Variants in PLD5 observed in about 807,000 individuals in gnomAD.
PLD5 encodes the protein phospholipase D family member 5, also known as inactive phospholipase D5.
Under a neutral mutation model 61.1 loss-of-function variants are expected in PLD5, and 36 were observed. That is an observed-to-expected ratio of 0.59 (90% confidence interval 0.45 to 0.78). The LOEUF is 0.78. Ranked by LOEUF, PLD5 falls within the 30% of genes least tolerant of loss-of-function variation. PLD5 has a pLI of 0.00. For missense variants in PLD5, 515 were observed against 644.4 expected (o/e 0.80, Z 2.17); for synonymous variants, 243 against 242.8 (o/e 1.00, Z -0.01).
At position 242,122,022 on chromosome 1, in the gene PLD5, T is replaced by C. The variant is rs541047184; in HGVS notation, c.933+2446A>G. 7.4e-4 allele frequency among the ~76,000 whole-genome samples: 112 copies of C among 152,252 alleles called. 1 individual carries two copies. Among genetic ancestry groups the C allele is most frequent in the African/African-American group, 2.5e-3 (102 of 41,554 alleles). ...AGTTAGTGGGTGCAGCACACCAACA[T>C]GGCACATGTATACATAGGTAACAAA... On this transcript the variant is annotated intron_variant, in intron 6 of 9. Transcript: ENST00000536534.
At chr1:242,355,891 AAGTCTTACTGTTACAGATTTTT>A (rs1660726114) in intron 1 of PLD5, among the ~76,000 whole-genome samples, 1 of 151,922 alleles carries the variant, frequency 6.6e-6, no homozygotes, top group Non-Finnish European at 1.5e-5. Context: ...AGTTTTCTGA[AAGTCTTACTGTTACAGATTTTT>A]AGTCTTAACC....
At chr1:242,433,772 G>A (rs568983685) in intron 1 of PLD5, among the ~76,000 whole-genome samples, 15 of 152,066 alleles carry the variant, frequency 9.9e-5, no homozygotes, top group African/African-American at 2.9e-4. Context: ...ATGTGAGGAC[G>A]TTTCAGTAGT....
intron 1 of PLD5, among the ~76,000 whole-genome samples, chr1:242,510,228 C>CAA (rs1233854171): frequency 6.6e-6 from 1 of 151,290 alleles, no homozygotes; most frequent in Non-Finnish European, 1.5e-5. Context: ...CACACACACA[C>CAA]ACAAAAAAAG....
chr1:242,153,053 CTGGTG>C (rs200540581), intron 5 of PLD5, among the ~76,000 whole-genome samples: 16,020 of 151,350 alleles, frequency 0.11, 1,154 homozygotes, highest in African/African-American at 0.23. Context: ...ACCATTCTAA[CTGGTG>C]TGAGATGGTA....
chr1:242,279,042 C>T (rs1480629984), intron 3 of PLD5, among the ~76,000 whole-genome samples: 1 of 152,220 alleles, frequency 6.6e-6, no homozygotes, highest in Non-Finnish European at 1.5e-5. Context: ...AAAGCAATCA[C>T]TGAGCTCCAT....
At chr1:242,485,228 G>T (rs1317047557) in intron 1 of PLD5, among the ~76,000 whole-genome samples, 2 of 152,146 alleles carry the variant, frequency 1.3e-5, no homozygotes, top group East Asian at 1.9e-4. Flanking sequence ...GCAGGAGAAA[G>T]AAATAAAGGG....
rs1673277465 is a variant in PLD5 at position 242,259,708 on chromosome 1, G to A, written c.607+5629C>T. Among the ~76,000 whole-genome samples the A allele has an allele frequency of 1.3e-5, 2 of 151,250 alleles. 1 individual carries two copies. The highest frequency in any genetic ancestry group is 1.3e-4 in the Admixed American group (2 of 15,202). On this transcript the variant is annotated intron_variant, in intron 4 of 9. Coordinates refer to ENST00000536534, the MANE Select transcript of PLD5 (RefSeq NM_001372062.1). ...AAAGCCTGCTTTTTTTTTTCAAAAG[G>A]AAATTGATATTTTCTGACTTTATTT...
chr1:242,114,901 G>A (rs1045359373), intron 6 of PLD5, among the ~76,000 whole-genome samples: 4 of 152,144 alleles, frequency 2.6e-5, no homozygotes, highest in East Asian at 1.9e-4. Context: ...TGACAGCCAC[G>A]GATGGTAGCC....
chr1:242,338,523 G>A (rs957645971), intron 2 of PLD5, among the ~76,000 whole-genome samples: 7 of 152,188 alleles, frequency 4.6e-5, no homozygotes, highest in Non-Finnish European at 1.0e-4. Context: ...GGCAGGAAAT[G>A]TCAACATCAT....
intron 5 of PLD5, among the ~76,000 whole-genome samples, chr1:242,188,211 G>A (rs765872167): frequency 1.6e-4 from 25 of 152,076 alleles, no homozygotes; most frequent in Admixed American, 9.8e-4. Context: ...GAGGGAGGGC[G>A]GGAGAGAGAA....
At chr1:242,111,754 C>CAA (rs1230508226) in intron 7 of PLD5, among the ~76,000 whole-genome samples, 2 of 151,786 alleles carry the variant, frequency 1.3e-5, no homozygotes, top group African/African-American at 4.9e-5. Flanking sequence ...GCTTGGACGA[C>CAA]TACTTATGTC....
intron 1 of PLD5, among the ~76,000 whole-genome samples, chr1:242,383,973 C>T (rs1173739937): frequency 6.6e-6 from 1 of 152,210 alleles, no homozygotes; most frequent in Non-Finnish European, 1.5e-5. Flanking sequence ...CTGCCTGACA[C>T]AGAGTCCCAA....
chr1:242,397,675 CCCTA>C (rs1327244760), intron 1 of PLD5, among the ~76,000 whole-genome samples: 1 of 152,110 alleles, frequency 6.6e-6, no homozygotes, highest in East Asian at 1.9e-4. Flanking sequence ...CTCCCTCACT[CCCTA>C]CCTAGTTACT....
At chr1:242,132,745 G>C (rs1663392182) in intron 5 of PLD5, among the ~76,000 whole-genome samples, 1 of 152,086 alleles carries the variant, frequency 6.6e-6, no homozygotes, top group African/African-American at 2.4e-5. Flanking sequence ...TTAACTTCTT[G>C]ATGTCTTATT....
At chr1:242,106,124 C>T (rs1283694900) in intron 8 of PLD5, among the ~76,000 whole-genome samples, 1 of 152,164 alleles carries the variant, frequency 6.6e-6, no homozygotes, top group Non-Finnish European at 1.5e-5. Flanking sequence ...CAGGAACTGC[C>T]ATGGGCCTCC....
chr1:242,207,758 T>TTATA (rs1553324748), intron 5 of PLD5, among the ~76,000 whole-genome samples: 41 of 55,384 alleles, frequency 7.4e-4, no homozygotes, highest in African/African-American at 2.2e-3. Context: ...TTATATATAT[T>TTATA]TATATTTATA....
chr1:242,340,266 C>A (rs1266840078), intron 2 of PLD5, among the ~76,000 whole-genome samples: 1 of 152,106 alleles, frequency 6.6e-6, no homozygotes, highest in African/African-American at 2.4e-5. Context: ...AGACTACCTT[C>A]TTTTTCTTTT....
intron 4 of PLD5, among the ~76,000 whole-genome samples, chr1:242,224,547 C>G (rs4658772): frequency 0.31 from 46,328 of 151,766 alleles, 7,379 homozygotes; most frequent in East Asian, 0.54. Context: ...TTTATGAGAG[C>G]CGCTCGTCAA....
At chr1:242,219,232 C>T (rs1199431171) in intron 5 of PLD5, among the ~76,000 whole-genome samples, 2 of 152,110 alleles carry the variant, frequency 1.3e-5, no homozygotes. Flanking sequence ...GAAAGGAACA[C>T]TAATTTAAGA....
Sources: gnomAD v4.1 joint callset for allele counts (sites outside exome capture counted in the v4.1 genomes callset) on GRCh38, gnomAD v4.1.1 for gene constraint, MANE v1.5 for transcripts, NCBI Gene and HGNC (gene_info 2026-07-23, HGNC 2026-07-21) for gene names.